The following NID2 variants were observed in gnomAD, a reference collection of about 807,000 sequenced individuals.
NID2 encodes the protein nidogen 2.
NID2 carries 83 observed loss-of-function variants against 145.4 expected under a neutral mutation model. The ratio of observed to expected loss-of-function variants is 0.57; its 90% CI spans 0.48 to 0.69. The LOEUF (loss-of-function observed/expected upper bound fraction) is 0.69. Ranked by LOEUF, NID2 falls within the 30% of genes least tolerant of loss-of-function variation. NID2 has a pLI of 0.00. For missense variants in NID2, 1,807 were observed against 1,765.7 expected, an observed-to-expected ratio of 1.02 and a Z score of -0.42; for synonymous variants, 739 against 701.3, an observed-to-expected ratio of 1.05 and a Z score of -0.85.
Position 52,068,122 on chromosome 14 carries a change from C to T in NID2, c.270G>A (p.Arg90=), listed in dbSNP as rs775543470. 3.7e-6 allele frequency: 6 copies of T among 1,613,374 alleles called. No homozygotes were observed. The highest frequency in any genetic ancestry group is 5.1e-6 in the Non-Finnish European group (6 of 1,179,910). Residue 90 remains arginine, a synonymous_variant, in exon 2 of 22, where the codon AGG becomes AGA. Coordinates refer to ENST00000216286, the MANE Select transcript of NID2 (RefSeq NM_007361.4). ...AATCATAGTCCACATACTGCGTTTCCCTGGGGAAGTCCTGAGTGGAGATGA... is the reference window on the plus strand; with the variant it reads ...AATCATAGTCCACATACTGCGTTTCTCTGGGGAAGTCCTGAGTGGAGATGA... ...NGIISTQDFP[R]ETQYVDYDFP...
intron 2 of NID2, among the ~76,000 whole-genome samples, chr14:52,065,124 C>T (rs1177081896): frequency 1.3e-5 from 2 of 152,076 alleles, no homozygotes; most frequent in Non-Finnish European, 2.9e-5. Flanking sequence ...CCTTGACATT[C>T]CTGCAATATC....
chr14:52,006,972 A>AG (rs1890809988), intron 19 of NID2: 1 of 208,218 alleles, frequency 4.8e-6, no homozygotes, highest in African/African-American at 2.3e-5. Context: ...TATAAATTAT[A>AG]ACATCTGGGT....
At chr14:52,049,349 G>T (rs1044059904) in intron 5 of NID2, among the ~76,000 whole-genome samples, 1 of 152,128 alleles carries the variant, frequency 6.6e-6, no homozygotes, top group African/African-American at 2.4e-5. Context: ...CTCTGCACTT[G>T]TTCTGAGCCA....
intron 8 of NID2, 123 bp from the exon 9 acceptor site, chr14:52,039,100 G>T: frequency 1.4e-6 from 1 of 692,158 alleles, no homozygotes; most frequent in Non-Finnish European, 2.3e-6. Context: ...AACCTCCTGA[G>T]TTTATATGAA....
At chr14:52,050,065 A>G (rs1678204158) in intron 5 of NID2, among the ~76,000 whole-genome samples, 1 of 152,226 alleles carries the variant, frequency 6.6e-6, no homozygotes, top group Admixed American at 6.5e-5. Context: ...GTGGGACTAC[A>G]TGAGGTTTCT....
chr14:52,051,876 A>G (rs1266052262), intron 5 of NID2, among the ~76,000 whole-genome samples: 1 of 152,144 alleles, frequency 6.6e-6, no homozygotes, highest in Non-Finnish European at 1.5e-5. Context: ...ATGCCCCACA[A>G]GGGTTATAGC....
chr14:52,014,852 G>A (rs530103056), intron 15 of NID2, among the ~76,000 whole-genome samples: 1 of 152,206 alleles, frequency 6.6e-6, no homozygotes, highest in East Asian at 1.9e-4. Flanking sequence ...TTCCAATTAT[G>A]GAAGCTGCTA....
chr14:52,054,441 C>T (rs1260458011), intron 3 of NID2, 120 bp from the exon 4 acceptor site: 3 of 1,022,488 alleles, frequency 2.9e-6, no homozygotes, highest in Admixed American at 5.4e-5. Context: ...GTGGCTCACA[C>T]TTATAATCCC....
intron 2 of NID2, among the ~76,000 whole-genome samples, chr14:52,063,685 T>G (rs1000037849): frequency 1.3e-5 from 2 of 152,218 alleles, no homozygotes; most frequent in Non-Finnish European, 2.9e-5. Context: ...CAAAGTTCTC[T>G]TTGTCATCTT....
intron 9 of NID2, among the ~76,000 whole-genome samples, chr14:52,037,227 A>G (rs1049886593): frequency 6.6e-6 from 1 of 151,844 alleles, no homozygotes; most frequent in Non-Finnish European, 1.5e-5. Context: ...AGTTTAAAAG[A>G]CTATTCTTTC....
intron 9 of NID2, among the ~76,000 whole-genome samples, chr14:52,037,967 A>G (rs1394542840): frequency 6.6e-6 from 1 of 152,246 alleles, no homozygotes; most frequent in East Asian, 1.9e-4. Context: ...CATATCTTAT[A>G]ACATTGCGAA....
At position 52,005,207 on chromosome 14, in the gene NID2, ATG is replaced by A. The variant is rs1890715300; in HGVS notation, c.*277_*278del. On this transcript the variant is annotated 3_prime_UTR_variant, in exon 22 of 22. Transcript: ENST00000216286. ...AATGAATTTGATCTTTTAAATATTA[ATG>A]ATAAATGTTTACAAGAAGTTGCTTT... The A allele has an allele frequency of 6.3e-6, 2 of 318,032 alleles. No homozygotes were observed. Among genetic ancestry groups the A allele is most frequent in the Non-Finnish European group, 1.1e-5 (2 of 175,044 alleles). 19.7% of individuals were successfully genotyped at this position (318,032 alleles called of 1,614,324 possible).
intron 3 of NID2, among the ~76,000 whole-genome samples, chr14:52,057,132 C>T (rs963433971): frequency 1.3e-5 from 2 of 152,094 alleles, no homozygotes; most frequent in Admixed American, 6.5e-5. Flanking sequence ...GCCTCAACCC[C>T]CTGGGCTCAA....
At chr14:52,022,611 C>T (rs1010588372) in intron 12 of NID2, among the ~76,000 whole-genome samples, 9 of 152,260 alleles carry the variant, frequency 5.9e-5, no homozygotes, top group African/African-American at 2.2e-4. Flanking sequence ...TTCAAGAAGT[C>T]GTAGAGCCCC....
Position 52,027,533 on chromosome 14 carries a change from G to C in NID2, c.2531-189C>G, listed in dbSNP as rs570765903. The stretch of plus-strand genomic sequence containing the variant: ...CCTAGATGGTTTGTATGCTATTAAA[G>C]TTCAAGTACTGGTATGAATTTGCTG... On this transcript the variant is annotated intron_variant, in intron 11 of 21. Transcript: ENST00000216286. Among the ~76,000 whole-genome samples, 32 of 151,992 alleles carry C rather than the reference G, an allele frequency of 2.1e-4. No individual in the cohort carries two copies. In the South Asian group the frequency reaches 6.6e-3, roughly 32 times the overall value.
At chr14:52,016,268 C>CT (rs1307465598) in intron 14 of NID2, among the ~76,000 whole-genome samples, 23 of 152,336 alleles carry the variant, frequency 1.5e-4, no homozygotes, top group Middle Eastern at 3.4e-3. Flanking sequence ...GGAACTTAAA[C>CT]AAGAGGAGGT....
chr14:52,044,498 C>T (rs1223963385), intron 5 of NID2, among the ~76,000 whole-genome samples: 1 of 152,122 alleles, frequency 6.6e-6, no homozygotes, highest in Non-Finnish European at 1.5e-5. Context: ...TCCTGATCTC[C>T]TGACCTCGTG....
In NID2 at chr14:52,019,139, C is replaced by T. The variant is rs772923728; in HGVS notation, c.2950G>A (p.Val984Met). 1.4e-5 allele frequency: 23 copies of T among 1,614,074 alleles called. No individual in the cohort carries two copies. Among genetic ancestry groups the T allele is most frequent in the Admixed American group, 3.3e-5 (2 of 60,020 alleles). ...GGAACTTCATGACCATCAGGGTCCA[C>T]GCACCAGCAGAAACCAGTGCTGCCA... ...CHGSTGFCWC[V>M]DPDGHEVPGT... Residue 984 changes from valine (V) to methionine (M), a missense_variant, in exon 14 of 22, where the codon GTG becomes ATG. Val to Met is a conservative substitution (Grantham distance 21). Coordinates refer to ENST00000216286, the MANE Select transcript of NID2 (RefSeq NM_007361.4).
intron 13 of NID2, among the ~76,000 whole-genome samples, chr14:52,019,742 C>T (rs990160122): frequency 2.0e-5 from 3 of 152,186 alleles, no homozygotes; most frequent in Non-Finnish European, 4.4e-5. Context: ...GCGCATAAGG[C>T]TCTGCTTAAT....
Sources: allele counts gnomAD v4.1 joint callset (sites outside exome capture counted in the v4.1 genomes callset), GRCh38; gene constraint gnomAD v4.1.1; transcripts MANE v1.5; gene names NCBI Gene and HGNC (gene_info 2026-07-23, HGNC 2026-07-21).